Variants in DZIP1 observed in about 807,000 individuals in gnomAD.
The protein encoded by DZIP1 is DAZ interacting zinc finger protein 1.
DZIP1 carries 97 observed loss-of-function variants against 107.6 expected under a neutral mutation model. The ratio of observed to expected loss-of-function variants is 0.90; its 90% CI spans 0.77 to 1.07. The LOEUF (loss-of-function observed/expected upper bound fraction) is 1.07, where lower values mean the gene tolerates loss of function less well. Ranked by LOEUF, DZIP1 falls within the 50% of genes least tolerant of loss-of-function variation. The pLI, the probability that DZIP1 is intolerant of heterozygous loss-of-function variation, is 0.00. For synonymous variants in DZIP1, 390 were observed against 386.4 expected, an observed-to-expected ratio of 1.01 and a Z score of -0.11; for missense variants, 1,035 against 1,063.6, an observed-to-expected ratio of 0.97 and a Z score of 0.37.
intron 10 of DZIP1, 76 bp downstream of exon 10, chr13:95,619,808 AT>A: frequency 7.0e-7 from 1 of 1,436,588 alleles, no homozygotes; most frequent in Non-Finnish European, 9.7e-7. Flanking sequence ...GTGGACAAAT[AT>A]TATGTTTATT....
chr13:95,593,539 G>T (rs1296045092), intron 16 of DZIP1, among the ~76,000 whole-genome samples: 1 of 152,158 alleles, frequency 6.6e-6, no homozygotes, highest in Non-Finnish European at 1.5e-5. Flanking sequence ...CATTCAACAT[G>T]TATTAATGAA....
intron 2 of DZIP1, among the ~76,000 whole-genome samples, 161 bp downstream of exon 2, chr13:95,643,440 G>A (rs534755761): frequency 2.6e-4 from 39 of 152,288 alleles, no homozygotes; most frequent in Admixed American, 6.5e-4. Flanking sequence ...ATATGTCCAA[G>A]TTAATTGGCC....
chr13:95,585,345 T>C (rs944109802), intron 21 of DZIP1, among the ~76,000 whole-genome samples: 17 of 152,206 alleles, frequency 1.1e-4, no homozygotes, highest in African/African-American at 4.1e-4. Context: ...TACCATGCCC[T>C]TCCTAAAGAA....
rs1254724715 is a variant in DZIP1 at position 95,578,682 on chromosome 13, T to G, written c.*3552A>C. The G allele has an allele frequency of 6.6e-6, 1 of 152,226 alleles. No homozygotes were observed. Among genetic ancestry groups the G allele is most frequent in the East Asian group, 1.9e-4 (1 of 5,196 alleles). 9.4% of individuals were successfully genotyped at this position (152,226 alleles called of 1,614,324 possible). ...AAAAGCAAAGCCACACCATTCTCTT[T>G]GATGTATGCAGAGAGTTACGTAGCA... On this transcript the variant is annotated 3_prime_UTR_variant, in exon 23 of 23. Coordinates refer to ENST00000376829, the MANE Select transcript of DZIP1 (RefSeq NM_198968.4).
At chr13:95,633,396 T>G in intron 5 of DZIP1, 75 bp from the exon 6 acceptor site, 1 of 1,320,484 alleles carries the variant, frequency 7.6e-7, no homozygotes, top group Non-Finnish European at 1.1e-6. Context: ...AAAATTCAGG[T>G]ACCTGGCCAG....
chr13:95,596,350 T>G (rs1465167538), intron 15 of DZIP1, among the ~76,000 whole-genome samples: 4 of 152,158 alleles, frequency 2.6e-5, no homozygotes, highest in African/African-American at 9.7e-5. Flanking sequence ...TGGGATCAGT[T>G]TTATCAGACA....
chr13:95,587,291 G>C (rs2044184933), intron 20 of DZIP1, among the ~76,000 whole-genome samples: 1 of 152,152 alleles, frequency 6.6e-6, no homozygotes, highest in Non-Finnish European at 1.5e-5. Flanking sequence ...TGTTCCTTAA[G>C]CCACCCAGTT....
chr13:95,603,003 A>G (rs1038172186), intron 14 of DZIP1, among the ~76,000 whole-genome samples: 10 of 152,198 alleles, frequency 6.6e-5, no homozygotes, highest in Admixed American at 1.3e-4. Flanking sequence ...AACAAAACAT[A>G]ATAATAATTG....
intron 7 of DZIP1, among the ~76,000 whole-genome samples, chr13:95,629,024 C>T (rs1305041382): frequency 2.6e-5 from 4 of 152,132 alleles, no homozygotes; most frequent in African/African-American, 9.7e-5. Flanking sequence ...AGGTATATTA[C>T]AATTTAAAAA....
rs147121754 is a variant in DZIP1, at chr13:95,600,629, T to TAGATAGACAGAC, written c.1478-1206_1478-1205insGTCTGTCTATCT. On this transcript the variant is annotated intron_variant, in intron 14 of 22. Coordinates refer to ENST00000376829, the MANE Select transcript of DZIP1 (RefSeq NM_198968.4). ...ATAGATAGATAGATAGATAGATAGA[T>TAGATAGACAGAC]AGACAGACAGACAGACAGACAGGCT... 5.3e-3 allele frequency among the ~76,000 whole-genome samples: 783 copies of TAGATAGACAGAC among 147,516 alleles called. 7 individuals are homozygous for TAGATAGACAGAC. The highest frequency in any genetic ancestry group is 0.014 in the African/African-American group (539 of 39,296).
chr13:95,637,604 ATC>A (rs10539901), intron 5 of DZIP1, among the ~76,000 whole-genome samples: 2,855 of 145,116 alleles, frequency 0.02, 51 homozygotes, highest in East Asian at 0.067. Context: ...GACATTAGCG[ATC>A]TCTCTCTCTC....
chr13:95,585,350 A>G (rs1235973097), intron 21 of DZIP1, among the ~76,000 whole-genome samples: 1 of 152,198 alleles, frequency 6.6e-6, no homozygotes, highest in Non-Finnish European at 1.5e-5. Context: ...TGCCCTTCCT[A>G]AAGAAAGATG....
At chr13:95,613,875 C>T (rs1055164903) in intron 10 of DZIP1, among the ~76,000 whole-genome samples, 1 of 152,142 alleles carries the variant, frequency 6.6e-6, no homozygotes, top group Non-Finnish European at 1.5e-5. Context: ...AAAGTCAGTG[C>T]TCTTTCGGGA....
rs146144856 is a variant in DZIP1 at position 95,602,288 on chromosome 13, A to G, written c.1478-2864T>C. 7.4e-4 allele frequency among the ~76,000 whole-genome samples: 113 copies of G among 152,288 alleles called. No individual in the cohort carries two copies. In the East Asian group the frequency reaches 0.018, roughly 24 times the overall value. ...TACTGTTTGCTTTGCCTAGGATGCC[A>G]TCCCGACATATTCACCTCCTACTCG... On this transcript the variant is annotated intron_variant, in intron 14 of 22. Coordinates refer to ENST00000376829, the MANE Select transcript of DZIP1 (RefSeq NM_198968.4).
intron 15 of DZIP1, 27 bp from the exon 16 acceptor site, chr13:95,594,113 A>G (rs201630735): frequency 6.4e-7 from 1 of 1,560,680 alleles, no homozygotes; most frequent in African/African-American, 1.4e-5. Context: ...AAAATGTGTT[A>G]AAAAAAGAAT....
At chr13:95,582,577 A>G (rs1317197431) in intron 22 of DZIP1, among the ~76,000 whole-genome samples, 1 of 152,126 alleles carries the variant, frequency 6.6e-6, no homozygotes, top group Non-Finnish European at 1.5e-5. Flanking sequence ...CAGGGACCAC[A>G]TCCTGCTTCC....
chr13:95,636,904 C>T (rs1325755336), intron 5 of DZIP1: 4 of 152,138 alleles, frequency 2.6e-5, no homozygotes, highest in African/African-American at 9.7e-5. Context: ...CCAAGACATA[C>T]CCTAGAAAGC....
intron 14 of DZIP1, among the ~76,000 whole-genome samples, chr13:95,602,740 C>T (rs16951257): frequency 0.018 from 2,757 of 152,326 alleles, 81 homozygotes; most frequent in African/African-American, 0.062. Flanking sequence ...AGCATGGTCA[C>T]CTGACAGGGA....
At chr13:95,598,242 G>A (rs1284776066) in intron 15 of DZIP1, among the ~76,000 whole-genome samples, 1 of 152,138 alleles carries the variant, frequency 6.6e-6, no homozygotes, top group Non-Finnish European at 1.5e-5. Flanking sequence ...CAAAATCAGT[G>A]CCAAACATGA....
Sources: allele counts gnomAD v4.1 joint callset (sites outside exome capture counted in the v4.1 genomes callset), GRCh38; gene constraint gnomAD v4.1.1; transcripts MANE v1.5; gene names NCBI Gene and HGNC (gene_info 2026-07-23, HGNC 2026-07-21).